The following FAT3 variants were observed in gnomAD, a reference collection of about 807,000 sequenced individuals.
FAT3 encodes the protein FAT atypical cadherin 3.
Under a neutral mutation model 310.2 loss-of-function variants are expected in FAT3, and 95 were observed. The ratio of observed to expected loss-of-function variants is 0.31; its 90% CI spans 0.26 to 0.36. The LOEUF (loss-of-function observed/expected upper bound fraction) is 0.36. Ranked by LOEUF, FAT3 falls within the 10% of genes least tolerant of loss-of-function variation. The pLI, the probability that FAT3 is intolerant of heterozygous loss-of-function variation, is 1.00. For synonymous variants in FAT3, 2,314 were observed against 2,192.9 expected (o/e 1.06, Z -1.54); for missense variants, 5,408 against 5,715.6 (o/e 0.95, Z 1.74).
At chr11:92,465,117 C>T (rs567182706) in intron 2 of FAT3, among the ~76,000 whole-genome samples, 3 of 152,072 alleles carry the variant, frequency 2.0e-5, no homozygotes, top group South Asian at 2.1e-4. Flanking sequence ...TATTTGCAGC[C>T]GGGGTACAAT....
intron 17 of FAT3, 98 bp from the exon 18 acceptor site, chr11:92,840,464 G>A: frequency 1.7e-6 from 2 of 1,176,202 alleles, no homozygotes; most frequent in South Asian, 1.9e-5. Flanking sequence ...CTCTCAGCCT[G>A]AAATGATGGT....
intron 2 of FAT3, among the ~76,000 whole-genome samples, chr11:92,494,376 T>C (rs1283053070): frequency 6.6e-6 from 1 of 152,044 alleles, no homozygotes; most frequent in Non-Finnish European, 1.5e-5. Context: ...TAAAATATCA[T>C]TATTGTTAAT....
chr11:92,755,895 A>T (rs1945978387), intron 4 of FAT3, among the ~76,000 whole-genome samples: 1 of 152,182 alleles, frequency 6.6e-6, no homozygotes, highest in Non-Finnish European at 1.5e-5. Context: ...TTGCCTAAAA[A>T]AGAGTTTGTT....
chr11:92,410,388 G>T (rs954068799), intron 2 of FAT3, among the ~76,000 whole-genome samples: 1 of 152,032 alleles, frequency 6.6e-6, no homozygotes, highest in Admixed American at 6.6e-5. Flanking sequence ...AGTACAGTGG[G>T]GAGCGGGGAG....
intron 4 of FAT3, among the ~76,000 whole-genome samples, chr11:92,700,578 A>G (rs1489014307): frequency 6.6e-6 from 1 of 152,186 alleles, no homozygotes; most frequent in East Asian, 1.9e-4. Flanking sequence ...AAATCCTATC[A>G]TGATTTCAGC....
chr11:92,349,943 G>T lies in FAT3; in HGVS notation c.-17-2153G>T, dbSNP rs145206084. On this transcript the variant is annotated intron_variant, in intron 1 of 27. Coordinates refer to ENST00000525166, the MANE Select transcript of FAT3 (RefSeq NM_001367949.2). ...CAGAACCAGCATTTGCATGCTCAGGGTTTCACTTCAGGAGAGTCTCCTGTA... is the reference window on the plus strand; with the variant it reads ...CAGAACCAGCATTTGCATGCTCAGGTTTTCACTTCAGGAGAGTCTCCTGTA... Among the ~76,000 whole-genome samples, 26 of 150,818 alleles carry T rather than the reference G, an allele frequency of 1.7e-4. No individual in the cohort carries two copies. The East Asian group carries it at 5.1e-3, about 30-fold the overall frequency.
intron 1 of FAT3, among the ~76,000 whole-genome samples, chr11:92,311,979 A>G (rs1003608954): frequency 2.0e-5 from 3 of 152,068 alleles, no homozygotes; most frequent in African/African-American, 4.8e-5. Context: ...TACATTGAGT[A>G]AAAATAAACA....
chr11:92,765,701 G>A (rs967484202), intron 6 of FAT3, among the ~76,000 whole-genome samples: 5 of 151,704 alleles, frequency 3.3e-5, no homozygotes, highest in African/African-American at 1.2e-4. Flanking sequence ...GCAGCCCACA[G>A]ATTTCATATA....
intron 2 of FAT3, among the ~76,000 whole-genome samples, chr11:92,380,150 T>C (rs1367481342): frequency 6.6e-6 from 1 of 151,252 alleles, no homozygotes; most frequent in African/African-American, 2.4e-5. Flanking sequence ...ATAACAGGGA[T>C]TTTGTGTGAG....
intron 4 of FAT3, among the ~76,000 whole-genome samples, chr11:92,744,281 C>A (rs1343917653): frequency 1.3e-5 from 2 of 152,158 alleles, no homozygotes; most frequent in African/African-American, 4.8e-5. Context: ...TGAATGTGCA[C>A]CTCTGCTGCT....
chr11:92,645,953 A>G (rs1942147439), intron 3 of FAT3, among the ~76,000 whole-genome samples: 1 of 152,222 alleles, frequency 6.6e-6, no homozygotes, highest in Non-Finnish European at 1.5e-5. Context: ...GATTTACATC[A>G]TGTATTCTAC....
At position 92,354,732 on chromosome 11, in the gene FAT3, A is replaced by G; in HGVS notation, c.2620A>G (p.Thr874Ala). The part of the protein sequence containing the change: ...GEVTYSVLTD[T>A]QQFAINSSTG... ...AGTGACTTACTCAGTCTTGACAGAT[A>G]CACAGCAGTTTGCCATCAATAGCTC... The change falls in exon 2 of 28, where the codon ACA becomes GCA. Residue 874 changes from threonine (T) to alanine (A), a missense_variant. Thr to Ala is a moderately conservative substitution (Grantham distance 58). This residue lies in a region of FAT3 where 4,588 missense variants were observed against 4,809.8 expected (regional missense o/e 0.95). Transcript: ENST00000525166. 6.2e-7 allele frequency: 1 copy of G among 1,613,936 alleles called. No individual in the cohort carries two copies. The highest frequency in any genetic ancestry group is 8.5e-7 in the Non-Finnish European group (1 of 1,179,868).
intron 3 of FAT3, among the ~76,000 whole-genome samples, chr11:92,695,465 A>G (rs779874922): frequency 2.0e-5 from 3 of 152,100 alleles, no homozygotes; most frequent in Non-Finnish European, 4.4e-5. Flanking sequence ...AGTGCCTAGT[A>G]TTGCTCATTC....
At chr11:92,710,040 C>T (rs1475408175) in intron 4 of FAT3, among the ~76,000 whole-genome samples, 5 of 152,144 alleles carry the variant, frequency 3.3e-5, no homozygotes, top group Non-Finnish European at 5.9e-5. Context: ...TCCAGGCTAA[C>T]GTATACCTTG....
At chr11:92,575,170 A>G (rs529395194) in intron 3 of FAT3, among the ~76,000 whole-genome samples, 6 of 152,248 alleles carry the variant, frequency 3.9e-5, no homozygotes, top group Non-Finnish European at 8.8e-5. Flanking sequence ...TGGGGGAACA[A>G]TGCATAAAAC....
intron 3 of FAT3, among the ~76,000 whole-genome samples, chr11:92,626,717 T>G (rs985186058): frequency 2.0e-5 from 3 of 152,140 alleles, no homozygotes; most frequent in Non-Finnish European, 2.9e-5. Context: ...GGTTTAGATT[T>G]TCTCCCTAAA....
At chr11:92,512,460 A>C in intron 2 of FAT3, among the ~76,000 whole-genome samples, 1 of 149,472 alleles carries the variant, frequency 6.7e-6, no homozygotes. Flanking sequence ...AGCAAAGGGG[A>C]CTTTCTTATC....
chr11:92,831,907 T>A lies in FAT3; in HGVS notation c.9767T>A (p.Leu3256His), dbSNP rs1321086131. The A allele has an allele frequency of 1.2e-6, 2 of 1,610,632 alleles. No individual in the cohort carries two copies. The highest frequency in any genetic ancestry group is 1.7e-6 in the Non-Finnish European group (2 of 1,178,538). Reference sequence around the variant, plus strand: ...GACACCTCCCCTGGCACCCAAGTCCTTGCTGTTTTTGCCACCAGCAAAGAT... The same window carrying A: ...GACACCTCCCCTGGCACCCAAGTCCATGCTGTTTTTGCCACCAGCAAAGAT... ...PEDTSPGTQV[L>H]AVFATSKDIG... Residue 3256 changes from leucine to histidine, a missense_variant, in exon 14 of 28, where the codon CTT (leucine) becomes CAT (histidine). By Grantham distance (99) the Leu-to-His change is moderately conservative. Around this residue, in one of 5 missense-constraint regions of FAT3, gnomAD observed 4,588 missense variants for 4,809.8 expected, o/e 0.95. Coordinates refer to ENST00000525166, the MANE Select transcript of FAT3 (RefSeq NM_001367949.2).
intron 3 of FAT3, among the ~76,000 whole-genome samples, chr11:92,620,160 A>T (rs534107880): frequency 3.3e-5 from 5 of 152,232 alleles, no homozygotes; most frequent in East Asian, 1.9e-4. Flanking sequence ...TGAGATTTTT[A>T]AAAATGTACT....
Sources: allele counts gnomAD v4.1 joint callset (sites outside exome capture counted in the v4.1 genomes callset), GRCh38; gene constraint gnomAD v4.1.1; regional missense constraint gnomAD v4.1.1; transcripts MANE v1.5; gene names NCBI Gene and HGNC (gene_info 2026-07-23, HGNC 2026-07-21).